SAMD5: variants seen among roughly 807,000 people sequenced by gnomAD.
SAMD5 encodes the protein sterile alpha motif domain containing 5.
Under a neutral mutation model 11.3 loss-of-function variants are expected in SAMD5, and 13 were observed. The ratio of observed to expected loss-of-function variants is 1.15; its 90% CI spans 0.75 to 1.83. The LOEUF is 1.83. Among genes scored for constraint, SAMD5 ranks in the 40% most tolerant of loss-of-function variants. SAMD5 has a pLI of 0.00. For synonymous variants in SAMD5, 129 were observed against 111.3 expected (o/e 1.16, Z -1.00); for missense variants, 255 against 239.1 (o/e 1.07, Z -0.44).
intron 1 of SAMD5, among the ~76,000 whole-genome samples, chr6:147,691,238 C>A (rs1383270723): frequency 1.3e-5 from 2 of 152,148 alleles, no homozygotes; most frequent in Non-Finnish European, 2.9e-5. Flanking sequence ...AAGTGATCCA[C>A]CTGCCTCGGC....
intron 1 of SAMD5, among the ~76,000 whole-genome samples, chr6:147,650,133 A>G (rs1356678021): frequency 1.3e-5 from 2 of 152,226 alleles, no homozygotes; most frequent in African/African-American, 4.8e-5. Flanking sequence ...ACACGAAGTT[A>G]TTCATTTATT....
In SAMD5 at chr6:147,588,559, C is replaced by T. The variant is rs994275236; in HGVS notation, c.162+79172C>T. On this transcript the variant is annotated intron_variant, in intron 1 of 1. Coordinates refer to the SAMD5 transcript ENST00000566741. ...CAGGCTGGTCTCAAACTCTTGGCCT[C>T]GGGTGATCTGCCTGCCTCAGCCTCC... 3.9e-5 allele frequency among the ~76,000 whole-genome samples: 6 copies of T among 151,924 alleles called. 1 individual carries two copies. The South Asian group carries it at 8.3e-4, about 21-fold the overall frequency.
At chr6:147,866,466 C>G in the SAMD5 span, among the ~76,000 whole-genome samples, 1 of 152,132 alleles carries the variant, frequency 6.6e-6, no homozygotes, top group South Asian at 2.1e-4. Context: ...ATACTAAACT[C>G]TGGGAGGAAA....
chr6:147,856,855 C>A, the SAMD5 span, among the ~76,000 whole-genome samples: 3 of 148,500 alleles, frequency 2.0e-5, no homozygotes, highest in East Asian at 3.9e-4. Flanking sequence ...AAGCTTTAAG[C>A]TTTCTGGAAT....
At position 147,564,324 on chromosome 6, in the gene SAMD5, A is replaced by G. The variant is rs1208523295; in HGVS notation, c.460-70A>G. On this transcript the variant is annotated intron_variant, in intron 1 of 1. Coordinates refer to ENST00000367474, the MANE Select transcript of SAMD5 (RefSeq NM_001030060.3). ...GAATGACTTAAAAATAGGAGCAGAA[A>G]TCCATGATGGACTAGGGGAAGAATG... 12 of 764,930 alleles carry G rather than the reference A, an allele frequency of 1.6e-5. No homozygotes were observed. The East Asian group carries it at 3.0e-4, about 19-fold the overall frequency. 47.4% of individuals were successfully genotyped at this position (764,930 alleles called of 1,614,324 possible).
chr6:147,767,500 A>G, the SAMD5 span, among the ~76,000 whole-genome samples: 4 of 149,732 alleles, frequency 2.7e-5, no homozygotes, highest in African/African-American at 5.1e-5. Flanking sequence ...TTAATCCCCA[A>G]TATGGTATTT....
At chr6:147,517,600 T>G (rs76179635) in intron 1 of SAMD5, among the ~76,000 whole-genome samples, 2 of 152,220 alleles carry the variant, frequency 1.3e-5, no homozygotes, top group South Asian at 4.1e-4. Flanking sequence ...ATTTAGATAT[T>G]CAAAATTAGG....
chr6:147,792,768 CCAA>C, the SAMD5 span, among the ~76,000 whole-genome samples: 3 of 152,050 alleles, frequency 2.0e-5, no homozygotes, highest in Admixed American at 6.6e-5. Flanking sequence ...ACAACAAAAA[CCAA>C]CAACAATGAT....
chr6:147,596,051 G>T (rs144221598), intron 1 of SAMD5, among the ~76,000 whole-genome samples: 151 of 152,284 alleles, frequency 9.9e-4, no homozygotes, highest in African/African-American at 3.3e-3. Context: ...ATTACATGAT[G>T]AGTTTAGCTG....
chr6:147,555,491 C>T (rs1232940038), intron 1 of SAMD5, among the ~76,000 whole-genome samples: 1 of 152,126 alleles, frequency 6.6e-6, no homozygotes, highest in Non-Finnish European at 1.5e-5. Context: ...TTATACTTGC[C>T]CCAGTGAGTT....
At chr6:147,517,880 T>A (rs1473225267) in intron 1 of SAMD5, among the ~76,000 whole-genome samples, 2 of 152,102 alleles carry the variant, frequency 1.3e-5, no homozygotes, top group Non-Finnish European at 2.9e-5. Context: ...GGTGTTTTTT[T>A]TTTTTGGTAT....
At chr6:147,718,887 CA>C (rs1438092056) in intron 1 of SAMD5, among the ~76,000 whole-genome samples, 1 of 152,124 alleles carries the variant, frequency 6.6e-6, no homozygotes, top group Non-Finnish European at 1.5e-5. Context: ...GATGGGGTTT[CA>C]CCATGTTGGT....
At chr6:147,796,277 C>G in the SAMD5 span, among the ~76,000 whole-genome samples, 16 of 151,774 alleles carry the variant, frequency 1.1e-4, no homozygotes, top group African/African-American at 3.4e-4. Flanking sequence ...TTTCAGCTTT[C>G]TACATATGGC....
chr6:147,758,087 A>G, the SAMD5 span, among the ~76,000 whole-genome samples: 1 of 152,224 alleles, frequency 6.6e-6, no homozygotes, highest in Non-Finnish European at 1.5e-5. Flanking sequence ...ACTGGGTGAC[A>G]GAATGGGGTA....
chr6:147,901,440 A>G, the SAMD5 span, among the ~76,000 whole-genome samples: 3 of 151,502 alleles, frequency 2.0e-5, no homozygotes, highest in Admixed American at 6.6e-5. Flanking sequence ...ATAAGAACTA[A>G]TCTTCTCCTT....
At chr6:147,578,217 C>A (rs1477519868) in intron 1 of SAMD5, among the ~76,000 whole-genome samples, 7 of 152,120 alleles carry the variant, frequency 4.6e-5, no homozygotes, top group Admixed American at 3.3e-4. Context: ...TTTTTTGACT[C>A]TAATTATTAG....
chr6:147,752,930 C>T, the SAMD5 span, among the ~76,000 whole-genome samples: 1 of 152,184 alleles, frequency 6.6e-6, no homozygotes, highest in Non-Finnish European at 1.5e-5. Flanking sequence ...TTACTGTATA[C>T]TTAAGGAGTT....
chr6:147,880,511 G>A, the SAMD5 span, among the ~76,000 whole-genome samples: 1 of 152,162 alleles, frequency 6.6e-6, no homozygotes, highest in East Asian at 1.9e-4. Flanking sequence ...CCTTCCCTGA[G>A]CATTTTAATA....
intron 1 of SAMD5, among the ~76,000 whole-genome samples, chr6:147,534,543 C>T (rs940799684): frequency 2.0e-5 from 3 of 152,052 alleles, no homozygotes; most frequent in Non-Finnish European, 2.9e-5. Flanking sequence ...TCAGTCTCCC[C>T]GAGCATTCAG....
Sources: allele counts gnomAD v4.1 joint callset (sites outside exome capture counted in the v4.1 genomes callset), GRCh38; gene constraint gnomAD v4.1.1; transcripts MANE v1.5; gene names NCBI Gene and HGNC (gene_info 2026-07-23, HGNC 2026-07-21).